TSHZ3: variants seen among roughly 807,000 people sequenced by gnomAD.
TSHZ3 encodes the protein teashirt homolog 3.
In TSHZ3, 10 loss-of-function variants were observed where a neutral mutation model predicts 64.5. The ratio of observed to expected loss-of-function variants is 0.16; its 90% CI spans 0.10 to 0.26. TSHZ3 has a LOEUF of 0.26. Among genes scored for constraint, TSHZ3 ranks in the 10% least tolerant of loss-of-function variants. The pLI is 1.00. For missense variants in TSHZ3, 1,242 were observed against 1,421.7 expected (o/e 0.87, Z 2.03); for synonymous variants, 608 against 593.1 (o/e 1.03, Z -0.36).
At chr19:31,290,962 T>C (rs1277967654) in intron 1 of TSHZ3, among the ~76,000 whole-genome samples, 1 of 152,248 alleles carries the variant, frequency 6.6e-6, no homozygotes, top group Non-Finnish European at 1.5e-5. Context: ...TGAATGCTTG[T>C]TCAGTTGGGT....
At chr19:31,322,845 ATTAT>A (rs1418953487) in intron 1 of TSHZ3, among the ~76,000 whole-genome samples, 5 of 152,250 alleles carry the variant, frequency 3.3e-5, no homozygotes, top group African/African-American at 9.6e-5. Context: ...AATGAAACTA[ATTAT>A]TTAGTTACCT....
chr19:31,251,890 G>T (rs775558313), intron 1 of TSHZ3, among the ~76,000 whole-genome samples: 1 of 152,154 alleles, frequency 6.6e-6, no homozygotes, highest in Non-Finnish European at 1.5e-5. Context: ...GGAGCAAACC[G>T]CCTCTGCTCA....
exon 7 of TSHZ3, among the ~76,000 whole-genome samples, chr19:31,151,292 T>G (rs1006527888): frequency 6.6e-6 from 1 of 152,126 alleles, no homozygotes; most frequent in Non-Finnish European, 1.5e-5. Context: ...CCTTATTTCA[T>G]CTGAAGAATG....
At chr19:31,348,005 G>C (rs2021565017) in intron 1 of TSHZ3, among the ~76,000 whole-genome samples, 1 of 152,146 alleles carries the variant, frequency 6.6e-6, no homozygotes, top group African/African-American at 2.4e-5. Flanking sequence ...CATCAAAAGA[G>C]AAGTAAAAGA....
chr19:31,300,400 G>A (rs1222069575), intron 1 of TSHZ3, among the ~76,000 whole-genome samples: 1 of 152,232 alleles, frequency 6.6e-6, no homozygotes, highest in African/African-American at 2.4e-5. Context: ...GATCAGGGCA[G>A]TTTAATTTGG....
chr19:31,262,593 G>A (rs774911615), intron 1 of TSHZ3, among the ~76,000 whole-genome samples: 8 of 152,010 alleles, frequency 5.3e-5, no homozygotes, highest in Non-Finnish European at 1.2e-4. Context: ...AATATATACC[G>A]TGGAGAAATT....
chr19:31,296,097 A>G (rs1347177714), intron 1 of TSHZ3, among the ~76,000 whole-genome samples: 1 of 151,522 alleles, frequency 6.6e-6, no homozygotes, highest in Non-Finnish European at 1.5e-5. Context: ...AAGTCTCACA[A>G]ACACAAACAT....
chr19:31,240,608 A>C (rs79993815), intron 3 of TSHZ3, among the ~76,000 whole-genome samples: 3,878 of 152,330 alleles, frequency 0.025, 160 homozygotes, highest in African/African-American at 0.089. Context: ...TTAGTAGTAC[A>C]GATTTTATGA....
At chr19:31,254,707 T>C (rs956034164) in intron 1 of TSHZ3, among the ~76,000 whole-genome samples, 4 of 152,220 alleles carry the variant, frequency 2.6e-5, no homozygotes, top group Admixed American at 2.6e-4. Context: ...GTGATCCACA[T>C]GGGCTGAGTC....
chr19:31,215,903 A>G (rs562101268), intron 4 of TSHZ3, among the ~76,000 whole-genome samples: 2 of 151,998 alleles, frequency 1.3e-5, no homozygotes, highest in East Asian at 3.9e-4. Flanking sequence ...TTTTCTATAT[A>G]TAGGATCTAT....
intron 1 of TSHZ3, among the ~76,000 whole-genome samples, chr19:31,285,423 C>T (rs911509765): frequency 6.7e-6 from 1 of 148,182 alleles, no homozygotes; most frequent in Admixed American, 6.8e-5. Context: ...GAGGCTGCAG[C>T]GAGTTAGGAT....
downstream of TSHZ3, among the ~76,000 whole-genome samples, chr19:31,274,765 C>CCCTGCTCT (rs1191653574): frequency 6.6e-6 from 1 of 151,804 alleles, no homozygotes; most frequent in Non-Finnish European, 1.5e-5. Context: ...AGTAAGTGCT[C>CCCTGCTCT]CCTGCTCTCC....
At chr19:31,217,578 C>T (rs1322805781) in intron 4 of TSHZ3, among the ~76,000 whole-genome samples, 1 of 152,142 alleles carries the variant, frequency 6.6e-6, no homozygotes, top group East Asian at 1.9e-4. Context: ...TTGACATGCA[C>T]AGCCTCCTCC....
chr19:31,237,340 T>C (rs962654066), intron 3 of TSHZ3, among the ~76,000 whole-genome samples: 13 of 152,198 alleles, frequency 8.5e-5, no homozygotes, highest in Admixed American at 7.2e-4. Flanking sequence ...CTTATGATAA[T>C]ATTCCTCATT....
At chr19:31,327,838 T>A (rs1916975303) in intron 1 of TSHZ3, among the ~76,000 whole-genome samples, 2 of 152,064 alleles carry the variant, frequency 1.3e-5, no homozygotes, top group Admixed American at 1.3e-4. Context: ...GGAAAAAAAA[T>A]AAAGAAATGA....
intron 1 of TSHZ3, among the ~76,000 whole-genome samples, chr19:31,333,357 T>G (rs573090304): frequency 2.6e-5 from 4 of 152,020 alleles, no homozygotes; most frequent in Admixed American, 2.6e-4. Context: ...CCATTCCCCC[T>G]GCAGAAACGC....
chr19:31,252,333 C>T (rs1218679107), intron 1 of TSHZ3, among the ~76,000 whole-genome samples: 1 of 152,060 alleles, frequency 6.6e-6, no homozygotes, highest in Non-Finnish European at 1.5e-5. Context: ...ATGCCAGCTC[C>T]CCCGTGTGTC....
chr19:31,336,411 G>A lies in TSHZ3; in HGVS notation c.40+12769C>T, dbSNP rs539202558. ...TGTAGTGCACTTTGTGGGACCACAC[G>A]GAGACAGATTCGAAGTAGGATGGAT... On this transcript the variant is annotated intron_variant, in intron 1 of 1. Transcript: ENST00000240587. Among the ~76,000 whole-genome samples the A allele has an allele frequency of 7.9e-5, 12 of 152,234 alleles. No homozygotes were observed. The East Asian group carries it at 9.7e-4, about 12-fold the overall frequency.
chr19:31,241,901 C>A (rs986369578), intron 3 of TSHZ3, among the ~76,000 whole-genome samples: 2 of 152,198 alleles, frequency 1.3e-5, no homozygotes, highest in African/African-American at 4.8e-5. Flanking sequence ...ACCAACTGAG[C>A]TATTCCGTAA....
Sources: allele counts gnomAD v4.1 joint callset (sites outside exome capture counted in the v4.1 genomes callset), GRCh38; gene constraint gnomAD v4.1.1; transcripts MANE v1.5; gene names NCBI Gene and HGNC (gene_info 2026-07-23, HGNC 2026-07-21).